Variants in DUOXA2 observed in about 807,000 individuals in gnomAD.
DUOXA2 encodes the protein dual oxidase maturation factor 2.
A neutral mutation model predicts 27.6 loss-of-function variants in DUOXA2; 22 were observed. That is an observed-to-expected ratio of 0.80 (90% CI 0.57 to 1.14). The LOEUF (loss-of-function observed/expected upper bound fraction) is 1.14, where lower values mean the gene tolerates loss of function less well. Ranked by LOEUF, DUOXA2 falls within the 50% of genes most tolerant of loss-of-function variation. The pLI, the probability that DUOXA2 is intolerant of heterozygous loss-of-function variation, is 0.00. For synonymous variants in DUOXA2, 188 were observed against 184.4 expected (o/e 1.02, Z -0.16); for missense variants, 481 against 419.9 (o/e 1.15, Z -1.27).
chr15:45,118,099 T>G lies in DUOXA2; in HGVS notation c.*190T>G, dbSNP rs1285085406. ...AAATAAACCTTTTTTTCTTTTGTTTTTTAAAAACTGTTTTTCCCATTAATT... is the reference window on the plus strand; with the variant it reads ...AAATAAACCTTTTTTTCTTTTGTTTGTTAAAAACTGTTTTTCCCATTAATT... On this transcript the variant is annotated 3_prime_UTR_variant, in exon 6 of 6. Coordinates refer to ENST00000323030, the MANE Select transcript of DUOXA2 (RefSeq NM_207581.4). The G allele has an allele frequency of 1.3e-6, 2 of 1,503,932 alleles. No individual in the cohort carries two copies. The highest frequency in any genetic ancestry group is 1.4e-5 in the African/African-American group (1 of 71,296). The allele number at this position is 1,503,932 out of a possible 1,614,324, so 93.2% of individuals were successfully genotyped here.
At position 45,118,023 on chromosome 15, in the gene DUOXA2, G is replaced by T. The variant is rs1346624240; in HGVS notation, c.*114G>T. 1 of 1,601,738 alleles carries T rather than the reference G, an allele frequency of 6.2e-7. No individual in the cohort carries two copies. The highest frequency in any genetic ancestry group is 1.3e-5 in the African/African-American group (1 of 74,678). ...GAAGGGCACTGAGCGCTGCTGGCGC[G>T]AGGCCTCGGACATCCGCAGGCACCA... On this transcript the variant is annotated 3_prime_UTR_variant, in exon 6 of 6. Coordinates refer to ENST00000323030, the MANE Select transcript of DUOXA2 (RefSeq NM_207581.4).
chr15:45,115,441 G>A (rs779750573), intron 1 of DUOXA2: 9 of 508,706 alleles, frequency 1.8e-5, no homozygotes, highest in East Asian at 5.4e-5. Flanking sequence ...TGACCCCTGC[G>A]TGCCTAGCAC....
intron 2 of DUOXA2, 57 bp downstream of exon 2, chr15:45,115,913 AGGGCACCT>A (rs1894608854): frequency 5.0e-6 from 8 of 1,610,412 alleles, no homozygotes; most frequent in Non-Finnish European, 6.8e-6. Context: ...AGGTGGGCAG[AGGGCACCT>A]GGGACAATAG....
chr15:45,116,025 C>T lies in DUOXA2; in HGVS notation c.206-99C>T, dbSNP rs1050279133. 2.5e-6 allele frequency: 4 copies of T among 1,601,964 alleles called. No homozygotes were observed. In the African/African-American group the frequency reaches 5.4e-5, roughly 21 times the overall value. ...CTTACCATGCAACCACATTGGACCT[C>T]TAAGTCCCCATCTCTCTGCAGTGTC... On this transcript the variant is annotated intron_variant, in intron 2 of 5. Transcript: ENST00000323030.
At chr15:45,117,360 C>T (rs1894706383) in intron 5 of DUOXA2, 55 bp downstream of exon 5, 15 of 1,518,136 alleles carry the variant, frequency 9.9e-6, no homozygotes, top group Non-Finnish European at 1.2e-5. Context: ...GGATTCACAC[C>T]GGGTGTGCAC....
rs761635636 is a variant in DUOXA2, at chr15:45,115,861, G to C, written c.205+5G>C. On this transcript the variant is annotated splice_donor_5th_base_variant and intron_variant, in intron 2 of 5. Coordinates refer to ENST00000323030, the MANE Select transcript of DUOXA2 (RefSeq NM_207581.4). ...TCATAGGCGCAGAAATTGTGGGTGA[G>C]TGTGTGGTGCAGCCCATGGGGAGAG... 12 of 1,614,106 alleles carry C rather than the reference G, an allele frequency of 7.4e-6. No individual in the cohort carries two copies. Among genetic ancestry groups the C allele is most frequent in the Non-Finnish European group, 1.0e-5 (12 of 1,180,036 alleles).
chr15:45,117,907 TGA>T lies in DUOXA2; in HGVS notation c.963_*1del, dbSNP rs1164865143. ...CTTAAAATGTATCACCACTAACCTG[TGA>T]GGGGGACCCAATCTGGACTCCTTCC... The part of the protein sequence containing the change: ...PDLKCITTNL[*>X] On this transcript the variant is annotated frameshift_variant and stop_lost, in exon 6 of 6. Coordinates refer to ENST00000323030, the MANE Select transcript of DUOXA2 (RefSeq NM_207581.4). LOFTEE classifies it high-confidence loss of function. 7 of 1,613,166 alleles carry T rather than the reference TGA, an allele frequency of 4.3e-6. No homozygotes were observed. In the African/African-American group the frequency reaches 9.3e-5, roughly 22 times the overall value.
Position 45,117,299 on chromosome 15 carries a change from G to T in DUOXA2, c.763G>T (p.Ala255Ser). 1 of 1,594,862 alleles carries T rather than the reference G, an allele frequency of 6.3e-7. No individual in the cohort carries two copies. Among genetic ancestry groups the T allele is most frequent in the Non-Finnish European group, 8.6e-7 (1 of 1,168,366 alleles). ...QYGAAFWVTL[A>S]TGVLCLFLGG... The stretch of plus-strand genomic sequence containing the variant: ...CGGCGCCGCCTTCTGGGTCACGCTG[G>T]CAACCGGTGAGGACCGAGAGAATGG... Residue 255 changes from alanine to serine, a missense_variant, in exon 5 of 6, where the codon GCA (alanine) becomes TCA (serine). By Grantham distance (99) the Ala-to-Ser change is moderately conservative. Coordinates refer to ENST00000323030, the MANE Select transcript of DUOXA2 (RefSeq NM_207581.4).
At position 45,118,352 on chromosome 15, in the gene DUOXA2, C is replaced by A; in HGVS notation, c.*443C>A. 8.6e-7 allele frequency: 1 copy of A among 1,163,104 alleles called. No homozygotes were observed. The highest frequency in any genetic ancestry group is 1.1e-6 in the Non-Finnish European group (1 of 941,966). 72.0% of individuals were successfully genotyped at this position (1,163,104 alleles called of 1,614,324 possible). On this transcript the variant is annotated 3_prime_UTR_variant, in exon 6 of 6. Coordinates refer to ENST00000323030, the MANE Select transcript of DUOXA2 (RefSeq NM_207581.4). ...TGATGAGGCAGGTCACCCACTCCCCCGTCCTGGATGCCACTCAGCTAGCCC... is the reference window on the plus strand; with the variant it reads ...TGATGAGGCAGGTCACCCACTCCCCAGTCCTGGATGCCACTCAGCTAGCCC...
At position 45,117,181 on chromosome 15, in the gene DUOXA2, C is replaced by T; in HGVS notation, c.645C>T (p.Ala215=). ...YGGLALLTTG[A]FALFGVFALA... ...GCCTGGCACTGCTGACCACCGGAGC[C>T]TTCGCGCTCTTCGGGGTCTTCGCCT... is the stretch of plus-strand genomic sequence containing the variant. Residue 215 remains alanine, a synonymous_variant, in exon 5 of 6, where the codon GCC becomes GCT. Coordinates refer to ENST00000323030, the MANE Select transcript of DUOXA2 (RefSeq NM_207581.4). 6.2e-7 allele frequency: 1 copy of T among 1,606,352 alleles called. No homozygotes were observed.
At chr15:45,116,051 C>T in intron 2 of DUOXA2, 73 bp from the exon 3 acceptor site, 9 of 1,610,616 alleles carry the variant, frequency 5.6e-6, no homozygotes, top group Non-Finnish European at 7.6e-6. Context: ...CTGCAGTGTC[C>T]CACCTCCCAT....
chr15:45,117,578 C>T (rs1287402625), intron 5 of DUOXA2, 138 bp from the exon 6 acceptor site: 1 of 1,605,456 alleles, frequency 6.2e-7, no homozygotes, highest in Non-Finnish European at 8.5e-7. Flanking sequence ...GGAAGAAGGC[C>T]CGGGCATCAC....
intron 5 of DUOXA2, 32 bp from the exon 6 acceptor site, chr15:45,117,684 G>A (rs779707146): frequency 6.2e-7 from 1 of 1,613,814 alleles, no homozygotes; most frequent in East Asian, 2.2e-5. Flanking sequence ...GACTCCACAT[G>A]CCCTCCTTTC....
At chr15:45,115,395 G>A (rs139402378) in intron 1 of DUOXA2, 10 of 474,918 alleles carry the variant, frequency 2.1e-5, no homozygotes, top group Non-Finnish European at 4.2e-5. Flanking sequence ...TCCTCCCCTC[G>A]GAGATCAGGC....
rs1326665301 is a variant in DUOXA2 at position 45,116,712 on chromosome 15, C to T, written c.537C>T (p.Tyr179=). The change falls in exon 4 of 6, where the codon TAC becomes TAT. Residue 179 remains tyrosine (Y), a synonymous_variant. Transcript: ENST00000323030. ...LYHQYHLAGH[Y]ASATLWVAFC... ...ACCAGTACCACCTGGCGGGACACTACGCCTCGGCCACGCTATGGTAAGTGC... is the reference window on the plus strand; with the variant it reads ...ACCAGTACCACCTGGCGGGACACTATGCCTCGGCCACGCTATGGTAAGTGC... The T allele has an allele frequency of 1.2e-6, 2 of 1,613,382 alleles. No individual in the cohort carries two copies. The highest frequency in any genetic ancestry group is 2.2e-5 in the East Asian group (1 of 44,882).
chr15:45,117,351 G>T (rs773253235), intron 5 of DUOXA2, 46 bp downstream of exon 5: 1 of 1,532,456 alleles, frequency 6.5e-7, no homozygotes, highest in Non-Finnish European at 8.8e-7. Flanking sequence ...GTGGAGACAG[G>T]ATTCACACCG....
At chr15:45,115,947 T>G in intron 2 of DUOXA2, 91 bp downstream of exon 2, 1 of 1,602,316 alleles carries the variant, frequency 6.2e-7, no homozygotes, top group South Asian at 1.1e-5. Context: ...TGGGGTTGGT[T>G]TTCTGCTCCC....
At chr15:45,115,385 TC>T (rs1331803106) in intron 1 of DUOXA2, 2 of 470,042 alleles carry the variant, frequency 4.3e-6, no homozygotes, top group East Asian at 1.3e-4. Context: ...CATTCCCACC[TC>T]CTCCCCTCGG....
Position 45,117,794 on chromosome 15 carries a change from A to G in DUOXA2, c.848A>G (p.Asp283Gly), listed in dbSNP as rs1159096236. 1.2e-6 allele frequency: 2 copies of G among 1,613,926 alleles called. No homozygotes were observed. The highest frequency in any genetic ancestry group is 1.7e-6 in the Non-Finnish European group (2 of 1,180,040). Residue 283 changes from aspartate (D) to glycine (G), a missense_variant, in exon 6 of 6, where the codon GAC becomes GGC. Transcript: ENST00000323030. ...CCCAGCGCTCTTCGCACCCTTCTGG[A>G]CCAAAGCGCCAAGGACTGCAGCCAG... Reference protein sequence around the residue: ...VRPSALRTLLDQSAKDCSQER... With the variant: ...VRPSALRTLLGQSAKDCSQER...
Sources: allele counts gnomAD v4.1 joint callset, GRCh38; gene constraint gnomAD v4.1.1; transcripts MANE v1.5; gene names NCBI Gene and HGNC (gene_info 2026-07-23, HGNC 2026-07-21).